The following RAPGEF1 variants were observed in gnomAD, a reference collection of about 807,000 sequenced individuals.
RAPGEF1 encodes Rap guanine nucleotide exchange factor 1.
Under a neutral mutation model 143.3 loss-of-function variants are expected in RAPGEF1, and 33 were observed. The observed-to-expected ratio is 0.23, with a 90% CI of 0.17 to 0.31. The LOEUF is 0.31. RAPGEF1 is among the 10% of genes least tolerant of loss of function. The pLI is 1.00. For synonymous variants in RAPGEF1, 629 were observed against 676.5 expected, an observed-to-expected ratio of 0.93 and a Z score of 1.09; for missense variants, 1,199 against 1,645.4, an observed-to-expected ratio of 0.73 and a Z score of 4.69.
rs752971371 is a variant in RAPGEF1, at chr9:131,588,943, G to T, written c.2911C>A (p.Leu971Met). 1.7e-5 allele frequency: 27 copies of T among 1,613,832 alleles called. No individual in the cohort carries two copies. Among genetic ancestry groups the T allele is most frequent in the Non-Finnish European group, 2.0e-5 (24 of 1,179,844 alleles). ...CCATTGCACACCAGGCGGAAGACCAGTTCCATCAGCAGCTTCAGGATCTCT... is the reference window on the plus strand; with the variant it reads ...CCATTGCACACCAGGCGGAAGACCATTTCCATCAGCAGCTTCAGGATCTCT... ...TEEILKLLME[L>M]VFRLVCNGEL... The change falls in exon 20 of 27, where the codon CTG (leucine) becomes ATG (methionine). Residue 971 changes from leucine (L) to methionine (M), a missense_variant. By Grantham distance (15) the Leu-to-Met change is conservative. This residue lies in a region of RAPGEF1 where 209 missense variants were observed against 403.0 expected (regional missense o/e 0.52). Coordinates refer to ENST00000683357, the MANE Select transcript of RAPGEF1 (RefSeq NM_001377935.1).
chr9:131,674,931 G>A (rs1832051789), intron 1 of RAPGEF1, among the ~76,000 whole-genome samples: 1 of 152,130 alleles, frequency 6.6e-6, no homozygotes, highest in Non-Finnish European at 1.5e-5. Context: ...AGAGGGGTGG[G>A]GGTGGCCTCC....
chr9:131,674,831 C>T (rs919039987), intron 1 of RAPGEF1, among the ~76,000 whole-genome samples: 2 of 152,096 alleles, frequency 1.3e-5, no homozygotes, highest in African/African-American at 4.8e-5. Flanking sequence ...CCTGTGGAGG[C>T]GCGGGGAGGG....
chr9:131,619,260 GAACA>G, intron 11 of RAPGEF1, 54 bp from the exon 12 acceptor site: 2 of 1,271,070 alleles, frequency 1.6e-6, no homozygotes, highest in East Asian at 1.1e-4. Flanking sequence ...GAGAAGCAGA[GAACA>G]GTCAGGTCCG....
rs1962877256 is a variant in RAPGEF1, at chr9:131,625,946, G to A, written c.1678C>T (p.Leu560=). 1.0e-5 allele frequency: 16 copies of A among 1,584,618 alleles called. No homozygotes were observed. The highest frequency in any genetic ancestry group is 1.1e-5 in the Non-Finnish European group (13 of 1,158,396). Reference sequence around the variant, plus strand: ...CTGTGTTTGTTTTTCTTCTCTGGTAGAGGAGGTGGTTTTTCTGGGTCACCG... The same window carrying A: ...CTGTGTTTGTTTTTCTTCTCTGGTAAAGGAGGTGGTTTTTCTGGGTCACCG... ...STGDPEKPPP[L]PEKKNKHMLA... The change falls in exon 10 of 27, where the codon CTA becomes TTA. Residue 560 remains leucine, a synonymous_variant. Coordinates refer to ENST00000683357, the MANE Select transcript of RAPGEF1 (RefSeq NM_001377935.1).
chr9:131,699,639 C>T (rs78616553), intron 1 of RAPGEF1, among the ~76,000 whole-genome samples: 2 of 152,180 alleles, frequency 1.3e-5, no homozygotes, highest in Non-Finnish European at 2.9e-5. Context: ...CAGTCAGCAT[C>T]ATGTGTCACC....
Position 131,629,147 on chromosome 9 carries a change from G to A in RAPGEF1, c.848C>T (p.Ala283Val), listed in dbSNP as rs1476448048. 6.2e-6 allele frequency: 10 copies of A among 1,613,982 alleles called. No homozygotes were observed. Among genetic ancestry groups the A allele is most frequent in the Middle Eastern group, 1.6e-4 (1 of 6,062 alleles). Residue 283 changes from alanine (A) to valine (V), a missense_variant, in exon 7 of 27, where the codon GCG becomes GTG. Transcript: ENST00000683357. ...LLPDATDEEV[A>V]PPKPPLPGIR... The stretch of plus-strand genomic sequence containing the variant: ...GCCAGGCAGAGGAGGCTTGGGGGGC[G>A]CGACCTCTTCATCCGTGGCATCTGG...
chr9:131,739,567 G>A (rs1448975292), intron 1 of RAPGEF1, among the ~76,000 whole-genome samples: 5 of 150,196 alleles, frequency 3.3e-5, no homozygotes, highest in Non-Finnish European at 7.4e-5. Context: ...TGGCGCCCCC[G>A]CAGCGGCCGC....
intron 22 of RAPGEF1, among the ~76,000 whole-genome samples, chr9:131,586,214 G>GCA (rs140743473): frequency 0.064 from 8,026 of 124,446 alleles, 572 homozygotes; most frequent in African/African-American, 0.16. Flanking sequence ...ACACACGCAC[G>GCA]CACACACACA....
At chr9:131,640,474 T>G (rs960625898) in intron 4 of RAPGEF1, among the ~76,000 whole-genome samples, 1 of 152,246 alleles carries the variant, frequency 6.6e-6, no homozygotes, top group Non-Finnish European at 1.5e-5. Context: ...AAGCAGAATA[T>G]TCCTGTGTCA....
intron 1 of RAPGEF1, among the ~76,000 whole-genome samples, chr9:131,681,845 G>A (rs1832936928): frequency 6.6e-6 from 1 of 152,122 alleles, no homozygotes; most frequent in Admixed American, 6.6e-5. Flanking sequence ...TACAAAAACA[G>A]GGATCCAAAG....
intron 1 of RAPGEF1, among the ~76,000 whole-genome samples, chr9:131,729,891 T>C (rs2131328188): frequency 6.6e-6 from 1 of 152,286 alleles, no homozygotes; most frequent in Non-Finnish European, 1.5e-5. Context: ...GGCAACTCCA[T>C]ACTTATGATA....
intron 1 of RAPGEF1, among the ~76,000 whole-genome samples, chr9:131,695,220 C>T (rs780931200): frequency 6.6e-6 from 1 of 152,120 alleles, no homozygotes; most frequent in African/African-American, 2.4e-5. Flanking sequence ...TCTCATAATT[C>T]GGAAGCACAC....
At chr9:131,687,096 T>C (rs1833409780) in intron 1 of RAPGEF1, among the ~76,000 whole-genome samples, 2 of 152,228 alleles carry the variant, frequency 1.3e-5, no homozygotes, top group Middle Eastern at 3.4e-3. Context: ...TACTGGAAAA[T>C]TTGAGAATGC....
At chr9:131,610,279 G>T (rs546255134) in intron 12 of RAPGEF1, among the ~76,000 whole-genome samples, 58 of 152,300 alleles carry the variant, frequency 3.8e-4, no homozygotes, top group African/African-American at 1.4e-3. Context: ...CAGGAAGAGC[G>T]CGTGCCAGAG....
At chr9:131,724,313 C>A (rs1436784796) in intron 1 of RAPGEF1, among the ~76,000 whole-genome samples, 1 of 152,086 alleles carries the variant, frequency 6.6e-6, no homozygotes, top group African/African-American at 2.4e-5. Flanking sequence ...AAAGTCCACT[C>A]GGCCGGGCAC....
rs1251780690 is a variant in RAPGEF1, at chr9:131,738,236, A to G, written c.61+1534T>C. On this transcript the variant is annotated intron_variant, in intron 1 of 26. Transcript: ENST00000683357. ...ATAATATAATCTTATATTAGATATA[A>G]AAAGATATAATATAATCTTATATAT... Among the ~76,000 whole-genome samples the G allele has an allele frequency of 2.2e-5, 3 of 135,562 alleles. No homozygotes were observed. In the East Asian group the frequency reaches 6.2e-4, roughly 28 times the overall value. The allele number at this position is 135,562 out of a possible 152,430, so 88.9% of individuals were successfully genotyped here. A position where few individuals can be genotyped will look rare whatever the true frequency, so the allele number is the denominator to read the frequency against.
intron 19 of RAPGEF1, 110 bp downstream of exon 19, chr9:131,589,776 T>C (rs1389448524): frequency 3.0e-6 from 3 of 1,009,154 alleles, no homozygotes; most frequent in Non-Finnish European, 4.6e-6. Context: ...AGGACCAAGA[T>C]AGAGCAGGCA....
chr9:131,603,624 GAAGAT>G (rs1455264058), intron 14 of RAPGEF1, among the ~76,000 whole-genome samples: 1 of 152,190 alleles, frequency 6.6e-6, no homozygotes, highest in Admixed American at 6.5e-5. Context: ...GCCAACACCA[GAAGAT>G]AAGGGAGGAA....
chr9:131,642,799 T>A (rs1458833279), intron 4 of RAPGEF1, among the ~76,000 whole-genome samples: 2 of 152,216 alleles, frequency 1.3e-5, no homozygotes, highest in African/African-American at 4.8e-5. Context: ...AAGAGACTCA[T>A]GCAGATGGAG....
Sources: gnomAD v4.1 joint callset for allele counts (sites outside exome capture counted in the v4.1 genomes callset) on GRCh38, gnomAD v4.1.1 for gene constraint, gnomAD v4.1.1 regional missense constraint, MANE v1.5 for transcripts, NCBI Gene and HGNC (gene_info 2026-07-23, HGNC 2026-07-21) for gene names.